The following MSI2 variants were observed in gnomAD, a reference collection of about 807,000 sequenced individuals.
The protein encoded by MSI2 is musashi RNA binding protein 2, also known as RNA-binding protein Musashi homolog 2.
Under a neutral mutation model 45.6 loss-of-function variants are expected in MSI2, and 17 were observed. That is an observed-to-expected ratio of 0.37 (90% CI 0.26 to 0.56). The LOEUF is 0.56. Among genes scored for constraint, MSI2 ranks in the 20% least tolerant of loss-of-function variants. MSI2 has a pLI of 0.77. For missense variants in MSI2, 293 were observed against 444.2 expected (o/e 0.66, Z 3.06); for synonymous variants, 156 against 158.2 (o/e 0.99, Z 0.11).
intron 5 of MSI2, among the ~76,000 whole-genome samples, chr17:57,314,332 C>T (rs1244156034): frequency 1.3e-5 from 2 of 151,990 alleles, no homozygotes; most frequent in Admixed American, 6.6e-5. Context: ...TTTCAGGGGA[C>T]ACAGTTTGGC....
intron 5 of MSI2, among the ~76,000 whole-genome samples, chr17:57,316,426 C>G (rs949170010): frequency 2.6e-5 from 4 of 151,490 alleles, no homozygotes; most frequent in African/African-American, 9.7e-5. Context: ...CTCCCGGGTT[C>G]AAGCAATCCT....
chr17:57,415,217 G>A (rs562403969), intron 6 of MSI2, among the ~76,000 whole-genome samples: 4 of 152,286 alleles, frequency 2.6e-5, no homozygotes, highest in African/African-American at 9.6e-5. Context: ...CCAGGGTGGG[G>A]AATGAAAATG....
In MSI2 at chr17:57,507,185, G is replaced by C. The variant is rs115451471; in HGVS notation, c.406-22491G>C. Among the ~76,000 whole-genome samples, 16 of 141,474 alleles carry C rather than the reference G, an allele frequency of 1.1e-4. 1 individual carries two copies. The highest frequency in any genetic ancestry group is 3.5e-4 in the Admixed American group (5 of 14,162). 92.8% of individuals were successfully genotyped at this position (141,474 alleles called of 152,430 possible). A position where few individuals can be genotyped will look rare whatever the true frequency, so the allele number is the denominator to read the frequency against. ...TTTCTCTGTGTGTGTTGGGGGGGGG[G>C]GGTGTAAATCTCTTCCCATTGGTTT... On this transcript the variant is annotated intron_variant, in intron 6 of 13. Coordinates refer to ENST00000284073, the MANE Select transcript of MSI2 (RefSeq NM_138962.4).
intron 5 of MSI2, among the ~76,000 whole-genome samples, chr17:57,376,114 T>A (rs2083492345): frequency 6.6e-6 from 1 of 152,214 alleles, no homozygotes. Flanking sequence ...TTACAGGATG[T>A]CTGAGATAGG....
chr17:57,273,161 C>T (rs1400751934), intron 5 of MSI2, among the ~76,000 whole-genome samples: 7 of 152,108 alleles, frequency 4.6e-5, no homozygotes, highest in Non-Finnish European at 8.8e-5. Flanking sequence ...CTTCTGTTTT[C>T]CAAAGAAGAT....
At chr17:57,272,453 A>C (rs1181107552) in intron 5 of MSI2, among the ~76,000 whole-genome samples, 3 of 152,202 alleles carry the variant, frequency 2.0e-5, no homozygotes, top group Non-Finnish European at 2.9e-5. Context: ...GGAGAGGGGA[A>C]AAGAAAACCT....
rs373520517 is a variant in MSI2, at chr17:57,602,913, T to G, written c.537+5963T>G. Among the ~76,000 whole-genome samples the G allele has an allele frequency of 3.1e-4, 47 of 152,300 alleles. No individual in the cohort carries two copies. The East Asian group carries it at 8.3e-3, about 27-fold the overall frequency. On this transcript the variant is annotated intron_variant, in intron 8 of 13. Transcript: ENST00000284073. ...TGCATGCTGACAAATCCCCAGTGAT[T>G]GGCGTGCACATTAAAGTCTGAGAAG... is the stretch of plus-strand genomic sequence containing the variant.
Position 57,272,740 on chromosome 17 carries a change from G to A in MSI2, c.312+10548G>A, listed in dbSNP as rs915735912. 1.1e-4 allele frequency among the ~76,000 whole-genome samples: 17 copies of A among 152,200 alleles called. 1 individual carries two copies. In the South Asian group the frequency reaches 2.3e-3, roughly 20 times the overall value. ...CTCAGTTGCGAACTAGTTTCAGAAA[G>A]GAAGCTCGTATTTTCATCCCATTCC... On this transcript the variant is annotated intron_variant, in intron 5 of 13. Transcript: ENST00000284073.
At chr17:57,401,837 G>A (rs1199838002) in intron 6 of MSI2, among the ~76,000 whole-genome samples, 1 of 152,152 alleles carries the variant, frequency 6.6e-6, no homozygotes, top group Non-Finnish European at 1.5e-5. Context: ...CTGCAGGTTG[G>A]TGCTGGGCTT....
chr17:57,466,049 A>G (rs1322113843), intron 6 of MSI2, among the ~76,000 whole-genome samples: 1 of 152,062 alleles, frequency 6.6e-6, no homozygotes, highest in Non-Finnish European at 1.5e-5. Flanking sequence ...CCCCCTGAGG[A>G]GTGTGGGCAG....
At chr17:57,479,918 A>G (rs1459761917) in intron 6 of MSI2, among the ~76,000 whole-genome samples, 2 of 152,204 alleles carry the variant, frequency 1.3e-5, no homozygotes, top group Admixed American at 1.3e-4. Context: ...CCAGCATTCA[A>G]ACCCAGGTCA....
intron 7 of MSI2, among the ~76,000 whole-genome samples, chr17:57,582,523 G>A (rs560111604): frequency 6.6e-6 from 1 of 152,080 alleles, no homozygotes; most frequent in Non-Finnish European, 1.5e-5. Context: ...CAACTCTAAA[G>A]GTTGGATTCT....
intron 5 of MSI2, among the ~76,000 whole-genome samples, chr17:57,375,894 C>T (rs1358863961): frequency 1.3e-5 from 2 of 152,148 alleles, no homozygotes; most frequent in African/African-American, 4.8e-5. Flanking sequence ...CACCCCAGGC[C>T]GCGTTAGCCG....
intron 6 of MSI2, among the ~76,000 whole-genome samples, chr17:57,439,228 T>C (rs1441031140): frequency 6.6e-6 from 1 of 152,220 alleles, no homozygotes; most frequent in Non-Finnish European, 1.5e-5. Flanking sequence ...CTGGCAGTTT[T>C]TGATTGCTCA....
intron 10 of MSI2, among the ~76,000 whole-genome samples, chr17:57,647,273 A>AT (rs1910737654): frequency 8.1e-6 from 1 of 123,268 alleles, no homozygotes; most frequent in Non-Finnish European, 1.7e-5. Flanking sequence ...TACTAAAAAT[A>AT]CAAAAAAAAA....
rs555419860 is a variant in MSI2, at chr17:57,327,742, A to G, written c.312+65550A>G. Among the ~76,000 whole-genome samples, 11 of 152,254 alleles carry G rather than the reference A, an allele frequency of 7.2e-5. No individual in the cohort carries two copies. In the South Asian group the frequency reaches 2.3e-3, roughly 32 times the overall value. On this transcript the variant is annotated intron_variant, in intron 5 of 13. Coordinates refer to ENST00000284073, the MANE Select transcript of MSI2 (RefSeq NM_138962.4). The stretch of plus-strand genomic sequence containing the variant: ...GCCACTATGGGATGCCTCCAAGGTC[A>G]TTGGCTGATGGTGTTGTGCTAGGGA...
chr17:57,356,645 T>TA (rs1464783104), intron 5 of MSI2, among the ~76,000 whole-genome samples: 2 of 152,212 alleles, frequency 1.3e-5, no homozygotes, highest in Non-Finnish European at 2.9e-5. Flanking sequence ...GGTTTTTATG[T>TA]AAAAAAATTT....
At chr17:57,373,072 T>C (rs2083444187) in intron 5 of MSI2, among the ~76,000 whole-genome samples, 1 of 152,024 alleles carries the variant, frequency 6.6e-6, no homozygotes, top group African/African-American at 2.4e-5. Context: ...AACATAGTGG[T>C]AGAGACATAT....
intron 6 of MSI2, among the ~76,000 whole-genome samples, chr17:57,469,023 C>G (rs1311873338): frequency 6.6e-6 from 1 of 152,154 alleles, no homozygotes; most frequent in East Asian, 1.9e-4. Context: ...CACAGGCTGC[C>G]CGATACCAGC....
Sources: allele counts gnomAD v4.1 joint callset (sites outside exome capture counted in the v4.1 genomes callset), GRCh38; gene constraint gnomAD v4.1.1; transcripts MANE v1.5; gene names NCBI Gene and HGNC (gene_info 2026-07-23, HGNC 2026-07-21).